SPAG16: variants seen among roughly 807,000 people sequenced by gnomAD.
The protein encoded by SPAG16 is sperm-associated antigen 16 protein.
In SPAG16, 86 loss-of-function variants were observed where a neutral mutation model predicts 80.4. The ratio of observed to expected loss-of-function variants is 1.07; its 90% CI spans 0.90 to 1.28. The LOEUF is 1.28. Among genes scored for constraint, SPAG16 ranks in the 50% most tolerant of loss-of-function variants. SPAG16 has a pLI of 0.00. For missense variants in SPAG16, 870 were observed against 765.3 expected (o/e 1.14, Z -1.61); for synonymous variants, 294 against 265.9 (o/e 1.11, Z -1.03).
At chr2:213,287,647 C>G (rs1323942234) in intron 1 of SPAG16, among the ~76,000 whole-genome samples, 1 of 152,138 alleles carries the variant, frequency 6.6e-6, no homozygotes, top group Non-Finnish European at 1.5e-5. Flanking sequence ...TGTAAGTTTA[C>G]TGGCCAATGA....
At chr2:214,243,408 A>C (rs1261263557) in intron 15 of SPAG16, among the ~76,000 whole-genome samples, 2 of 152,200 alleles carry the variant, frequency 1.3e-5, no homozygotes, top group East Asian at 3.9e-4. Flanking sequence ...TCTCTCTCTG[A>C]GTCAGGGCTC....
chr2:213,711,082 T>C (rs1322994584), intron 10 of SPAG16, among the ~76,000 whole-genome samples: 2 of 152,196 alleles, frequency 1.3e-5, no homozygotes, highest in African/African-American at 4.8e-5. Flanking sequence ...AAAAGACTAT[T>C]TAAGTAAATC....
chr2:213,924,372 T>C (rs960633983), intron 11 of SPAG16, among the ~76,000 whole-genome samples: 1 of 152,196 alleles, frequency 6.6e-6, no homozygotes, highest in Non-Finnish European at 1.5e-5. Flanking sequence ...TCTCACTCTC[T>C]CACCCTTTCC....
intron 10 of SPAG16, among the ~76,000 whole-genome samples, chr2:213,616,812 G>A (rs1304428920): frequency 6.6e-6 from 1 of 152,136 alleles, no homozygotes; most frequent in Admixed American, 6.5e-5. Flanking sequence ...TCTGCATAGG[G>A]TACTCTGGCT....
chr2:214,054,045 C>T (rs1295013199), intron 13 of SPAG16, among the ~76,000 whole-genome samples: 2 of 152,048 alleles, frequency 1.3e-5, no homozygotes, highest in Non-Finnish European at 2.9e-5. Flanking sequence ...CTGTACGGAG[C>T]CTCCCTTTTG....
At chr2:213,564,223 A>G (rs1024834641) in intron 10 of SPAG16, among the ~76,000 whole-genome samples, 3 of 152,114 alleles carry the variant, frequency 2.0e-5, no homozygotes, top group African/African-American at 7.2e-5. Context: ...ATTATGTTGA[A>G]CTAGTAATTT....
intron 13 of SPAG16, among the ~76,000 whole-genome samples, chr2:214,053,518 G>A (rs1348649057): frequency 6.6e-6 from 1 of 152,024 alleles, no homozygotes; most frequent in Non-Finnish European, 1.5e-5. Context: ...GTATGGCAGA[G>A]AAGTACAAAG....
At chr2:213,561,667 C>G (rs1445843524) in intron 10 of SPAG16, among the ~76,000 whole-genome samples, 1 of 152,096 alleles carries the variant, frequency 6.6e-6, no homozygotes, top group Non-Finnish European at 1.5e-5. Flanking sequence ...AATGTAATGT[C>G]TTTTTTAGAA....
intron 15 of SPAG16, among the ~76,000 whole-genome samples, chr2:214,245,554 T>C (rs1200899068): frequency 6.6e-6 from 1 of 152,176 alleles, no homozygotes; most frequent in African/African-American, 2.4e-5. Context: ...TTGGAAATAG[T>C]CTGAAACATT....
At chr2:214,219,291 G>T (rs2125770797) in intron 15 of SPAG16, among the ~76,000 whole-genome samples, 2 of 152,132 alleles carry the variant, frequency 1.3e-5, no homozygotes, top group Middle Eastern at 6.8e-3. Flanking sequence ...ATTTTTAGGA[G>T]AAACTGAAAA....
Position 213,992,171 on chromosome 2 carries a change from T to C in SPAG16, c.1401-21780T>C, listed in dbSNP as rs181833592. Among the ~76,000 whole-genome samples, 5 of 152,318 alleles carry C rather than the reference T, an allele frequency of 3.3e-5. No homozygotes were observed. The East Asian group carries it at 9.6e-4, about 29-fold the overall frequency. ...GCCCCGTTTATAAAGTTTTACTACA[T>C]ACTGTTTTCCAGGAATGCAACTACT... On this transcript the variant is annotated intron_variant, in intron 12 of 15. Coordinates refer to ENST00000331683, the MANE Select transcript of SPAG16 (RefSeq NM_024532.5).
At chr2:213,302,759 C>T (rs940854151) in intron 3 of SPAG16, among the ~76,000 whole-genome samples, 22 of 151,840 alleles carry the variant, frequency 1.4e-4, no homozygotes, top group African/African-American at 4.6e-4. Context: ...TTAAGGTGGT[C>T]GTATTTCTTT....
chr2:213,656,049 T>G (rs940381652), intron 10 of SPAG16, among the ~76,000 whole-genome samples: 24 of 152,200 alleles, frequency 1.6e-4, no homozygotes, highest in African/African-American at 4.8e-4. Flanking sequence ...TTGGTAGTCT[T>G]CATTCAAGAT....
chr2:214,072,079 C>CT (rs1393779507), intron 13 of SPAG16, among the ~76,000 whole-genome samples: 4 of 151,912 alleles, frequency 2.6e-5, no homozygotes, highest in Non-Finnish European at 5.9e-5. Flanking sequence ...CAGGAAGGTG[C>CT]TTTTTTTCTT....
At chr2:213,597,511 C>T (rs552919097) in intron 10 of SPAG16, among the ~76,000 whole-genome samples, 7 of 152,050 alleles carry the variant, frequency 4.6e-5, no homozygotes, top group Non-Finnish European at 8.8e-5. Context: ...AACACACATC[C>T]AGTAATTTCT....
At chr2:213,286,884 A>T (rs887760861) in intron 1 of SPAG16, among the ~76,000 whole-genome samples, 5 of 150,006 alleles carry the variant, frequency 3.3e-5, no homozygotes, top group African/African-American at 1.3e-4. Context: ...GCCAGGATCC[A>T]TCTTGTGGGG....
rs558374981 is a variant in SPAG16 at position 213,643,099 on chromosome 2, G to T, written c.1070+153009G>T. On this transcript the variant is annotated intron_variant, in intron 10 of 15. Coordinates refer to ENST00000331683, the MANE Select transcript of SPAG16 (RefSeq NM_024532.5). ...TATATATATCCATTAGTTTTGTCCC[G>T]CTAGAGAACTCTGGCTAATACAACA... 8.0e-5 allele frequency among the ~76,000 whole-genome samples: 12 copies of T among 149,422 alleles called. No individual in the cohort carries two copies. The Admixed American group carries it at 8.0e-4, about 10-fold the overall frequency.
At chr2:213,533,466 C>T (rs1227789291) in intron 10 of SPAG16, among the ~76,000 whole-genome samples, 1 of 152,158 alleles carries the variant, frequency 6.6e-6, no homozygotes, top group Non-Finnish European at 1.5e-5. Context: ...GACACTTGCT[C>T]TAACACAATT....
chr2:213,913,100 T>G (rs2106174699), intron 11 of SPAG16, among the ~76,000 whole-genome samples: 1 of 152,268 alleles, frequency 6.6e-6, no homozygotes, highest in African/African-American at 2.4e-5. Flanking sequence ...TATATCTGAA[T>G]ATTTTATTTT....
Sources: allele counts gnomAD v4.1 joint callset (sites outside exome capture counted in the v4.1 genomes callset), GRCh38; gene constraint gnomAD v4.1.1; transcripts MANE v1.5; gene names NCBI Gene and HGNC (gene_info 2026-07-23, HGNC 2026-07-21).